DNAH5: variants seen among roughly 807,000 people sequenced by gnomAD.
The protein encoded by DNAH5 is dynein axonemal heavy chain 5.
A neutral mutation model predicts 518.2 loss-of-function variants in DNAH5; 372 were observed. The ratio of observed to expected loss-of-function variants is 0.72; its 90% confidence interval spans 0.66 to 0.78. The LOEUF (loss-of-function observed/expected upper bound fraction) is 0.78. Among genes scored for constraint, DNAH5 ranks in the 30% least tolerant of loss-of-function variants. The probability of loss-of-function intolerance (pLI) is 0.00; values close to 1 mark genes in which losing one functional copy is unlikely to be tolerated. For synonymous variants in DNAH5, 2,039 were observed against 2,025.9 expected, an observed-to-expected ratio of 1.01 and a Z score of -0.17; for missense variants, 5,523 against 5,687.0, an observed-to-expected ratio of 0.97 and a Z score of 0.93.
Position 13,777,334 on chromosome 5 carries a change from C to G in DNAH5, c.8973G>C (p.Leu2991=). Reference sequence around the variant, plus strand: ...GATACAAAACCTTCAGATCTTCCATCAGATTTGATGTGTTGTAGGATCTAA... The same window carrying G: ...GATACAAAACCTTCAGATCTTCCATGAGATTTGATGTGTTGTAGGATCTAA... The part of the protein sequence containing the change: ...TLTRSYNTSN[L]MEDLKVLYRT... The change falls in exon 54 of 79, where the codon CTG becomes CTC. Residue 2991 remains leucine (L), a synonymous_variant. Transcript: ENST00000265104. 6.2e-7 allele frequency: 1 copy of G among 1,613,266 alleles called. No individual in the cohort carries two copies. Among genetic ancestry groups the G allele is most frequent in the Non-Finnish European group, 8.5e-7 (1 of 1,179,540 alleles).
chr5:13,888,860 C>T (rs1271090102), intron 17 of DNAH5, among the ~76,000 whole-genome samples: 1 of 152,178 alleles, frequency 6.6e-6, no homozygotes, highest in Non-Finnish European at 1.5e-5. Context: ...ATATTCACTG[C>T]AGCTCTTGAC....
chr5:13,781,496 C>A (rs1039491111), intron 52 of DNAH5, among the ~76,000 whole-genome samples: 3 of 151,970 alleles, frequency 2.0e-5, no homozygotes, highest in Non-Finnish European at 2.9e-5. Flanking sequence ...AATTGTACTC[C>A]CATAATTCCC....
chr5:13,930,813 G>A (rs1012028666), intron 2 of DNAH5, among the ~76,000 whole-genome samples: 3 of 152,182 alleles, frequency 2.0e-5, no homozygotes, highest in Non-Finnish European at 4.4e-5. Context: ...TCTGTTCCCC[G>A]GCTTTAGTTT....
Position 13,823,300 on chromosome 5 carries a change from G to A in DNAH5, c.6650C>T (p.Ala2217Val), listed in dbSNP as rs748338986. The A allele has an allele frequency of 1.2e-6, 2 of 1,613,746 alleles. No individual in the cohort carries two copies. The highest frequency in any genetic ancestry group is 2.2e-5 in the South Asian group (2 of 91,072). ...DLFPNILLDK[A>V]GYPELEAAIS... is the part of the protein sequence containing the mutation. The stretch of plus-strand genomic sequence containing the variant: ...TGCTGCTTCCAGTTCAGGGTAACCT[G>A]CCTTGTCCAGAAGAATATTTGGAAA... The change falls in exon 40 of 79, where the codon GCA becomes GTA. Residue 2217 changes from alanine to valine, a missense_variant. Ala to Val is a moderately conservative substitution (Grantham distance 64). Transcript: ENST00000265104.
intron 12 of DNAH5, among the ~76,000 whole-genome samples, chr5:13,903,005 G>A (rs1774855538): frequency 6.6e-6 from 1 of 152,092 alleles, no homozygotes; most frequent in Admixed American, 6.5e-5. Flanking sequence ...AGAAGGAGCA[G>A]AATGCACAAA....
chr5:13,795,416 A>G (rs1229728890), intron 47 of DNAH5, among the ~76,000 whole-genome samples: 5 of 152,238 alleles, frequency 3.3e-5, no homozygotes, highest in African/African-American at 1.2e-4. Context: ...AGAATACTAT[A>G]AACACCTCTA....
rs1773763113 is a variant in DNAH5 at position 13,895,343 on chromosome 5, A to T, written c.2260-522T>A. ...AAAATACAACTGAAGATGAACAAGA[A>T]TTTAAGACTAACAGTGTCTCACCTC... On this transcript the variant is annotated intron_variant, in intron 15 of 78. Coordinates refer to ENST00000265104, the MANE Select transcript of DNAH5 (RefSeq NM_001369.3). Among the ~76,000 whole-genome samples the T allele has an allele frequency of 2.6e-5, 4 of 152,216 alleles. No homozygotes were observed. In the South Asian group the frequency reaches 8.3e-4, roughly 32 times the overall value.
intron 65 of DNAH5, among the ~76,000 whole-genome samples, chr5:13,738,661 G>C (rs1261126313): frequency 6.6e-6 from 1 of 152,230 alleles, no homozygotes; most frequent in East Asian, 1.9e-4. Flanking sequence ...GGAGGTGGTG[G>C]CAGGGGTGGG....
At chr5:13,833,260 A>G (rs978646059) in intron 35 of DNAH5, among the ~76,000 whole-genome samples, 5 of 152,012 alleles carry the variant, frequency 3.3e-5, no homozygotes, top group African/African-American at 1.2e-4. Flanking sequence ...CCAATATGGC[A>G]AAATTCCATC....
chr5:13,714,695 A>C, intron 74 of DNAH5, 75 bp from the exon 75 acceptor site: 1 of 1,443,998 alleles, frequency 6.9e-7, no homozygotes, highest in Non-Finnish European at 9.6e-7. Context: ...TTTAGGAAAC[A>C]AAAATGCTTC....
chr5:13,905,980 G>A (rs141080732), intron 12 of DNAH5, among the ~76,000 whole-genome samples: 109 of 152,262 alleles, frequency 7.2e-4, no homozygotes, highest in African/African-American at 2.5e-3. Flanking sequence ...GAAAAGGCAT[G>A]AAGAAAATAT....
rs766536260 is a variant in DNAH5 at position 13,882,938 on chromosome 5, C to G, written c.3140G>C (p.Gly1047Ala). The G allele has an allele frequency of 6.2e-7, 1 of 1,614,124 alleles. No individual in the cohort carries two copies. Among genetic ancestry groups the G allele is most frequent in the Admixed American group, 1.7e-5 (1 of 60,022 alleles). ...CAGTTCACTGCTCCACTGTCTGACCCCCTTAGGGACACTGATGATGCACTC... is the reference window on the plus strand; with the variant it reads ...CAGTTCACTGCTCCACTGTCTGACCGCCTTAGGGACACTGATGATGCACTC... Reference protein sequence around the residue: ...AVECIISVPKGVRQWSSELLS... With the variant: ...AVECIISVPKAVRQWSSELLS... Residue 1047 changes from glycine to alanine, a missense_variant, in exon 20 of 79, where the codon GGG becomes GCG. Coordinates refer to ENST00000265104, the MANE Select transcript of DNAH5 (RefSeq NM_001369.3).
chr5:13,927,583 G>A (rs953777006), intron 3 of DNAH5, among the ~76,000 whole-genome samples: 2 of 152,072 alleles, frequency 1.3e-5, no homozygotes, highest in Non-Finnish European at 2.9e-5. Context: ...GATGAAACCT[G>A]TCATCCAATA....
chr5:13,902,374 AG>A (rs1774748672), intron 12 of DNAH5, among the ~76,000 whole-genome samples: 1 of 152,234 alleles, frequency 6.6e-6, no homozygotes, highest in Non-Finnish European at 1.5e-5. Context: ...GTACTGGGCC[AG>A]ACACAGAGCC....
At position 13,805,317 on chromosome 5, in the gene DNAH5, G is replaced by A. The variant is rs187923275; in HGVS notation, c.7887+2274C>T. Among the ~76,000 whole-genome samples the A allele has an allele frequency of 1.1e-3, 165 of 152,174 alleles. 1 individual carries two copies. Among genetic ancestry groups the A allele is most frequent in the African/African-American group, 3.6e-3 (151 of 41,482 alleles). On this transcript the variant is annotated intron_variant, in intron 47 of 78. Transcript: ENST00000265104. Reference sequence around the variant, plus strand: ...GATCAAGACCATCCTGGACATCATGGTGAAACCCCATCTCTACTAAAAATA... The same window carrying A: ...GATCAAGACCATCCTGGACATCATGATGAAACCCCATCTCTACTAAAAATA...
intron 32 of DNAH5, among the ~76,000 whole-genome samples, chr5:13,842,402 G>C (rs1021705913): frequency 1.2e-4 from 13 of 110,402 alleles, no homozygotes; most frequent in Non-Finnish European, 2.1e-4. Flanking sequence ...GAAAGAAACA[G>C]AGCGAGAAAG....
intron 65 of DNAH5, among the ~76,000 whole-genome samples, chr5:13,739,587 G>T (rs1361156163): frequency 6.6e-6 from 1 of 152,152 alleles, no homozygotes; most frequent in African/African-American, 2.4e-5. Context: ...ACTCCCTATT[G>T]AGAGAGCCAG....
intron 35 of DNAH5, among the ~76,000 whole-genome samples, chr5:13,832,706 G>T (rs1763830640): frequency 1.3e-5 from 2 of 152,268 alleles, no homozygotes; most frequent in South Asian, 4.1e-4. Context: ...CTAACCCCTG[G>T]CACCTTGTAC....
intron 59 of DNAH5, 85 bp downstream of exon 59, chr5:13,765,891 T>C (rs1365283533): frequency 1.4e-6 from 2 of 1,381,622 alleles, no homozygotes; most frequent in African/African-American, 2.9e-5. Flanking sequence ...GTAAGTTCTT[T>C]TTTTAGAAAC....
Sources: allele counts gnomAD v4.1 joint callset (sites outside exome capture counted in the v4.1 genomes callset), GRCh38; gene constraint gnomAD v4.1.1; transcripts MANE v1.5; gene names NCBI Gene and HGNC (gene_info 2026-07-23, HGNC 2026-07-21).